PPARGC1A: variants seen among roughly 807,000 people sequenced by gnomAD.
PPARGC1A encodes the protein PPARG coactivator 1 alpha.
In PPARGC1A, 25 loss-of-function variants were observed where a neutral mutation model predicts 88.7. That is an observed-to-expected ratio of 0.28 (90% confidence interval 0.21 to 0.39). The LOEUF (loss-of-function observed/expected upper bound fraction) is 0.39. Among genes scored for constraint, PPARGC1A ranks in the 10% least tolerant of loss-of-function variants. The probability of loss-of-function intolerance (pLI) is 1.00; values close to 1 mark genes in which losing one functional copy is unlikely to be tolerated. For synonymous variants in PPARGC1A, 363 were observed against 355.6 expected (o/e 1.02, Z -0.24); for missense variants, 880 against 968.7 (o/e 0.91, Z 1.22).
At chr4:24,089,505 C>CTTTTTTTTTTTTTT in the PPARGC1A span, among the ~76,000 whole-genome samples, 2 of 73,810 alleles carry the variant, frequency 2.7e-5, no homozygotes, top group African/African-American at 9.6e-5. Context: ...CTTTTCTTTT[C>CTTTTTTTTTTTTTT]TTTTCTTTCT....
chr4:24,373,127 C>T, the PPARGC1A span, among the ~76,000 whole-genome samples: 3 of 152,120 alleles, frequency 2.0e-5, no homozygotes, highest in African/African-American at 7.2e-5. Flanking sequence ...AAACTGCAGG[C>T]CATGAGATAA....
the PPARGC1A span, among the ~76,000 whole-genome samples, chr4:24,206,926 A>G: frequency 1.5e-5 from 2 of 132,674 alleles, no homozygotes; most frequent in African/African-American, 2.7e-5. Flanking sequence ...TTTGATTTTT[A>G]TATTTTTCTA....
chr4:23,945,142 C>A, the PPARGC1A span, among the ~76,000 whole-genome samples: 1 of 152,132 alleles, frequency 6.6e-6, no homozygotes, highest in Non-Finnish European at 1.5e-5. Flanking sequence ...CTCTCTCTCT[C>A]TCTATCACTC....
the PPARGC1A span, among the ~76,000 whole-genome samples, chr4:24,242,356 A>G: frequency 2.0e-5 from 3 of 152,184 alleles, no homozygotes; most frequent in Non-Finnish European, 4.4e-5. Flanking sequence ...GCTCTAGTCC[A>G]TGACAGATAA....
chr4:23,927,147 A>T, the PPARGC1A span, among the ~76,000 whole-genome samples: 1 of 152,182 alleles, frequency 6.6e-6, no homozygotes, highest in Admixed American at 6.5e-5. Context: ...AGTTGGGCAA[A>T]ATTATCTAAT....
intron 2 of PPARGC1A, among the ~76,000 whole-genome samples, chr4:23,870,046 A>G (rs1009874097): frequency 6.6e-5 from 10 of 152,178 alleles, no homozygotes; most frequent in African/African-American, 2.2e-4. Context: ...TTCATGGAGC[A>G]TTTTCTTCTT....
chr4:24,244,986 AAAG>A, the PPARGC1A span, among the ~76,000 whole-genome samples: 6 of 152,212 alleles, frequency 3.9e-5, no homozygotes, highest in Non-Finnish European at 8.8e-5. Context: ...ATGGAGAAAA[AAAG>A]AAGGATGGAG....
the PPARGC1A span, among the ~76,000 whole-genome samples, chr4:24,070,897 T>C: frequency 1.3e-5 from 2 of 152,206 alleles, no homozygotes; most frequent in Non-Finnish European, 2.9e-5. Context: ...TAGCTGCTTT[T>C]GTGCTACAGT....
chr4:23,941,878 C>A, the PPARGC1A span, among the ~76,000 whole-genome samples: 4 of 152,162 alleles, frequency 2.6e-5, no homozygotes, highest in East Asian at 5.8e-4. Flanking sequence ...AATATCATTC[C>A]TTTTCCTGCT....
At chr4:24,404,374 T>C in the PPARGC1A span, among the ~76,000 whole-genome samples, 18 of 152,044 alleles carry the variant, frequency 1.2e-4, no homozygotes, top group East Asian at 1.5e-3. Context: ...GAAAGCCTTC[T>C]TAAAAACACA....
the PPARGC1A span, among the ~76,000 whole-genome samples, chr4:24,133,056 A>C: frequency 6.6e-6 from 1 of 152,072 alleles, no homozygotes. Flanking sequence ...TTTTAATAGA[A>C]TATTGATATT....
the PPARGC1A span, among the ~76,000 whole-genome samples, chr4:24,470,806 G>C: frequency 6.6e-6 from 1 of 151,684 alleles, no homozygotes; most frequent in Non-Finnish European, 1.5e-5. This position sits in a 1 kb window ranked among gnomAD's most constrained non-coding sequence, Gnocchi z 5.8. Context: ...CAAGGCTCCG[G>C]GCGGCCCTTA....
the PPARGC1A span, among the ~76,000 whole-genome samples, chr4:24,193,360 A>G: frequency 4.9e-3 from 746 of 152,300 alleles, 31 homozygotes; most frequent in East Asian, 0.096. Flanking sequence ...ATTTGCATCA[A>G]TTCTAGAGAT....
At chr4:24,062,622 T>C in the PPARGC1A span, among the ~76,000 whole-genome samples, 1 of 152,222 alleles carries the variant, frequency 6.6e-6, no homozygotes, top group East Asian at 1.9e-4. Context: ...TGTGACTCTG[T>C]ATCCCTGGTG....
chr4:24,410,356 A>T, the PPARGC1A span, among the ~76,000 whole-genome samples: 1 of 152,208 alleles, frequency 6.6e-6, no homozygotes, highest in Admixed American at 6.5e-5. Flanking sequence ...TATATATAAC[A>T]AATGGAAAAA....
At chr4:24,278,462 G>A in the PPARGC1A span, among the ~76,000 whole-genome samples, 3 of 152,158 alleles carry the variant, frequency 2.0e-5, no homozygotes, top group African/African-American at 7.2e-5. Context: ...CTTTGTCCTA[G>A]GTACTGGGAA....
At chr4:24,306,165 G>A in the PPARGC1A span, among the ~76,000 whole-genome samples, 31 of 152,256 alleles carry the variant, frequency 2.0e-4, no homozygotes, top group Admixed American at 1.3e-3. Context: ...CCAAGAAGAC[G>A]AGAGACTTAC....
the PPARGC1A span, among the ~76,000 whole-genome samples, chr4:24,467,005 G>GTAA: frequency 1.2e-5 from 1 of 81,296 alleles, no homozygotes; most frequent in Admixed American, 1.3e-4. Flanking sequence ...GAGGAAGGAA[G>GTAA]GGGAGAAAGA....
chr4:23,812,652 T>G lies in PPARGC1A; in HGVS notation c.2019+95A>C, dbSNP rs962218359. 5.7e-6 allele frequency: 9 copies of G among 1,568,452 alleles called. No homozygotes were observed. The Admixed American group carries it at 1.7e-4, about 29-fold the overall frequency. On this transcript the variant is annotated intron_variant, in intron 10 of 12. Coordinates refer to ENST00000264867, the MANE Select transcript of PPARGC1A (RefSeq NM_013261.5). ...AAAATGGCCTGTTCTAACAAAGACT[T>G]AGCTTTTGTTTATTTTCTAATCTAT...
Sources: allele counts gnomAD v4.1 joint callset (sites outside exome capture counted in the v4.1 genomes callset), GRCh38; gene constraint gnomAD v4.1.1; non-coding constraint Gnocchi (gnomAD v3.1); transcripts MANE v1.5; gene names NCBI Gene and HGNC (gene_info 2026-07-23, HGNC 2026-07-21).